The following ZMIZ1 variants were observed in gnomAD, a reference collection of about 807,000 sequenced individuals.
ZMIZ1 encodes zinc finger MIZ-type containing 1.
Under a neutral mutation model 113.9 loss-of-function variants are expected in ZMIZ1, and 17 were observed. The ratio of observed to expected loss-of-function variants is 0.15; its 90% CI spans 0.10 to 0.22. The LOEUF is 0.22. Among genes scored for constraint, ZMIZ1 ranks in the 10% least tolerant of loss-of-function variants. The pLI is 1.00. For synonymous variants in ZMIZ1, 607 were observed against 603.1 expected (o/e 1.01, Z -0.09); for missense variants, 1,059 against 1,477.8 (o/e 0.72, Z 4.65).
Position 79,232,474 on chromosome 10 carries a change from G to A in ZMIZ1, c.280+16200G>A, listed in dbSNP as rs139600028. ...GTGGTAGGGTTACATTATCGTTACT[G>A]TTCCTCTCTGACATGAATGTCAGAG... On this transcript the variant is annotated intron_variant, in intron 7 of 24. Coordinates refer to ENST00000334512, the MANE Select transcript of ZMIZ1 (RefSeq NM_020338.4). Among the ~76,000 whole-genome samples, 121 of 152,214 alleles carry A rather than the reference G, an allele frequency of 7.9e-4. 1 individual carries two copies. The highest frequency in any genetic ancestry group is 1.5e-3 in the Non-Finnish European group (100 of 68,012).
At chr10:79,211,945 A>C (rs1224285347) in intron 6 of ZMIZ1, among the ~76,000 whole-genome samples, 1 of 152,336 alleles carries the variant, frequency 6.6e-6, no homozygotes, top group African/African-American at 2.4e-5. Flanking sequence ...GACGCCCTGC[A>C]GCTTCAGAGG....
rs12357180 is a variant in ZMIZ1, at chr10:79,198,990, C to G, written c.-49-2594C>G. 3.1e-3 allele frequency among the ~76,000 whole-genome samples: 463 copies of G among 151,294 alleles called. 3 individuals carry two copies. The highest frequency in any genetic ancestry group is 0.011 in the African/African-American group (436 of 41,160). ...CGGAGGCTGCAGTGAGCCAAGATCACGCCATTGCACTCCGCCTGGGCAACA... is the reference window on the plus strand; with the variant it reads ...CGGAGGCTGCAGTGAGCCAAGATCAGGCCATTGCACTCCGCCTGGGCAACA... On this transcript the variant is annotated intron_variant, in intron 4 of 24. Transcript: ENST00000334512.
At chr10:79,176,609 C>G (rs181475495) in intron 4 of ZMIZ1, among the ~76,000 whole-genome samples, 6 of 150,520 alleles carry the variant, frequency 4.0e-5, no homozygotes, top group Non-Finnish European at 9.0e-5. Context: ...CTCAGTTTAC[C>G]GAGAATTTCC....
In ZMIZ1 at chr10:79,304,178, G is replaced by C. The variant is rs1244950516; in HGVS notation, c.2286+3G>C. ...GACACGATTGCAAGCATGTGCAGGT[G>C]AGCGGCCCCAGAAAGCACAGCTCTG... On this transcript the variant is annotated splice_donor_region_variant and intron_variant, in intron 19 of 24. Transcript: ENST00000334512. 1.2e-6 allele frequency: 2 copies of C among 1,611,682 alleles called. No individual in the cohort carries two copies. Among genetic ancestry groups the C allele is most frequent in the Non-Finnish European group, 8.5e-7 (1 of 1,178,242 alleles).
At chr10:79,293,674 CTGGGAGG>C in intron 12 of ZMIZ1, 21 bp downstream of exon 12, 2 of 1,613,094 alleles carry the variant, frequency 1.2e-6, no homozygotes, top group Non-Finnish European at 1.7e-6. Flanking sequence ...CAGTGGGAGC[CTGGGAGG>C]TGGGAACTGG....
At chr10:79,305,345 C>A in intron 20 of ZMIZ1, 114 bp downstream of exon 20, 1 of 1,309,490 alleles carries the variant, frequency 7.6e-7, no homozygotes, top group Non-Finnish European at 1.1e-6. Flanking sequence ...CCAAACATGG[C>A]AGAGGGGCTC....
chr10:79,095,666 G>T (rs10762844), intron 1 of ZMIZ1, among the ~76,000 whole-genome samples: 1 of 152,050 alleles, frequency 6.6e-6, no homozygotes, highest in Non-Finnish European at 1.5e-5. Flanking sequence ...AAAGGCTACC[G>T]TGAGGAGGCC....
chr10:79,079,945 A>G (rs1296380908), intron 1 of ZMIZ1, among the ~76,000 whole-genome samples: 1 of 152,204 alleles, frequency 6.6e-6, no homozygotes, highest in Non-Finnish European at 1.5e-5. Flanking sequence ...TGTGGGGACC[A>G]CTGGCACTTA....
intron 7 of ZMIZ1, among the ~76,000 whole-genome samples, chr10:79,226,541 C>A (rs1171662791): frequency 1.3e-5 from 2 of 152,190 alleles, no homozygotes; most frequent in East Asian, 3.8e-4. Flanking sequence ...GCAATTAATT[C>A]TGTAGAGGAA....
At chr10:79,217,854 T>G (rs982266975) in intron 7 of ZMIZ1, among the ~76,000 whole-genome samples, 1 of 152,258 alleles carries the variant, frequency 6.6e-6, no homozygotes, top group African/African-American at 2.4e-5. Flanking sequence ...GAAAATGGTC[T>G]TGGAATCTCA....
intron 2 of ZMIZ1, among the ~76,000 whole-genome samples, chr10:79,127,941 C>A (rs1282645481): frequency 2.6e-5 from 4 of 152,248 alleles, no homozygotes; most frequent in Non-Finnish European, 4.4e-5. Flanking sequence ...ACTGCTCAGC[C>A]AGCGCCTGCC....
At chr10:79,114,540 T>A (rs1450729010) in intron 1 of ZMIZ1, among the ~76,000 whole-genome samples, 6 of 113,880 alleles carry the variant, frequency 5.3e-5, no homozygotes, top group Admixed American at 1.1e-4. Flanking sequence ...TGTGTGTGTG[T>A]GAAGGTGGGA....
intron 1 of ZMIZ1, among the ~76,000 whole-genome samples, chr10:79,102,186 C>T (rs1330292174): frequency 2.6e-5 from 4 of 152,260 alleles, no homozygotes; most frequent in Non-Finnish European, 5.9e-5. Context: ...AAAGCCAGGT[C>T]CCAGCCTGTT....
chr10:79,184,657 A>G (rs972933394), intron 4 of ZMIZ1, among the ~76,000 whole-genome samples: 1 of 152,000 alleles, frequency 6.6e-6, no homozygotes, highest in African/African-American at 2.4e-5. Flanking sequence ...AGACCTTTCA[A>G]TCTTTCTCTC....
At chr10:79,303,857 A>C (rs1328922363) in intron 18 of ZMIZ1, among the ~76,000 whole-genome samples, 158 bp from the exon 19 acceptor site, 1 of 152,232 alleles carries the variant, frequency 6.6e-6, no homozygotes, top group East Asian at 1.9e-4. Flanking sequence ...TGTGACTGCC[A>C]CACAGTGCCA....
intron 4 of ZMIZ1, among the ~76,000 whole-genome samples, chr10:79,172,797 C>T (rs540612312): frequency 6.6e-6 from 1 of 152,348 alleles, no homozygotes; most frequent in Admixed American, 6.5e-5. Context: ...TCAAACTTTA[C>T]ACAGGTCCTT....
intron 3 of ZMIZ1, among the ~76,000 whole-genome samples, chr10:79,159,700 G>A (rs1846031294): frequency 6.6e-6 from 1 of 152,218 alleles, no homozygotes; most frequent in South Asian, 2.1e-4. Flanking sequence ...AATACAGAGT[G>A]CCCTCCTACT....
intron 24 of ZMIZ1, among the ~76,000 whole-genome samples, chr10:79,311,522 T>A (rs1358785775): frequency 1.3e-5 from 2 of 152,092 alleles, no homozygotes; most frequent in Non-Finnish European, 1.5e-5. Context: ...GCGGTTTCTG[T>A]GTCTGCCTCT....
intron 3 of ZMIZ1, among the ~76,000 whole-genome samples, chr10:79,152,794 A>T (rs1488913377): frequency 6.6e-6 from 1 of 152,224 alleles, no homozygotes; most frequent in African/African-American, 2.4e-5. Context: ...ACCTTATAGA[A>T]TCTGTACCAG....
Sources: gnomAD v4.1 joint callset for allele counts (sites outside exome capture counted in the v4.1 genomes callset) on GRCh38, gnomAD v4.1.1 for gene constraint, MANE v1.5 for transcripts, NCBI Gene and HGNC (gene_info 2026-07-23, HGNC 2026-07-21) for gene names.